HPSE2: variants seen among roughly 807,000 people sequenced by gnomAD.
The protein encoded by HPSE2 is inactive heparanase-2.
HPSE2 carries 38 observed loss-of-function variants against 60.5 expected under a neutral mutation model. The ratio of observed to expected loss-of-function variants is 0.63; its 90% CI spans 0.48 to 0.82. HPSE2 has a LOEUF of 0.82. HPSE2 is among the 40% of genes least tolerant of loss of function. The pLI is 0.00. For synonymous variants in HPSE2, 295 were observed against 293.2 expected (o/e 1.01, Z -0.06); for missense variants, 713 against 740.4 (o/e 0.96, Z 0.43).
intron 3 of HPSE2, among the ~76,000 whole-genome samples, chr10:99,116,371 A>G (rs1844691414): frequency 6.6e-6 from 1 of 152,156 alleles, no homozygotes; most frequent in African/African-American, 2.4e-5. Flanking sequence ...TGGCATTTAT[A>G]TTTTTACAGT....
chr10:98,852,095 C>CA (rs1383340298), intron 3 of HPSE2, among the ~76,000 whole-genome samples: 2 of 139,104 alleles, frequency 1.4e-5, no homozygotes, highest in Non-Finnish European at 3.1e-5. Context: ...GAAGGTTTTG[C>CA]AAACCTTGTA....
At chr10:99,193,032 T>A (rs1848275387) in intron 2 of HPSE2, among the ~76,000 whole-genome samples, 1 of 152,138 alleles carries the variant, frequency 6.6e-6, no homozygotes, top group Non-Finnish European at 1.5e-5. Context: ...ACTACTCATA[T>A]CTTGAATAGA....
At chr10:99,296,664 G>C in the HPSE2 span, among the ~76,000 whole-genome samples, 4 of 152,198 alleles carry the variant, frequency 2.6e-5, no homozygotes, top group African/African-American at 9.6e-5. Context: ...CCTGGGCTGA[G>C]CTCCACTTTG....
intron 9 of HPSE2, among the ~76,000 whole-genome samples, chr10:98,509,044 G>A (rs939074246): frequency 2.6e-4 from 40 of 152,310 alleles, no homozygotes; most frequent in Admixed American, 1.0e-3. Flanking sequence ...TAGATGGCGC[G>A]GTGGCTCATG....
At chr10:98,970,361 C>T (rs968620739) in intron 3 of HPSE2, among the ~76,000 whole-genome samples, 9 of 152,088 alleles carry the variant, frequency 5.9e-5, no homozygotes, top group Non-Finnish European at 1.3e-4. Context: ...GGGATCTGTC[C>T]CCATGATCCA....
chr10:99,226,787 G>A (rs935856752), intron 2 of HPSE2, among the ~76,000 whole-genome samples: 3 of 152,018 alleles, frequency 2.0e-5, no homozygotes, highest in Admixed American at 2.0e-4. Flanking sequence ...TTATGAGGGA[G>A]ATGCTTTAAG....
chr10:98,919,708 T>C (rs1954226772), intron 3 of HPSE2, among the ~76,000 whole-genome samples: 1 of 152,166 alleles, frequency 6.6e-6, no homozygotes, highest in African/African-American at 2.4e-5. Context: ...CTGAAGCATT[T>C]AGAAAAAATA....
rs533074573 is a variant in HPSE2, at chr10:98,545,850, A to G, written c.1321-55654T>C. On this transcript the variant is annotated intron_variant, in intron 9 of 11. Transcript: ENST00000370552. ...ATAAAGGGTATTCAATTAGGAAAAG[A>G]GGAAGTCAAACTGTCCCTGTTTACA... 8.2e-3 allele frequency among the ~76,000 whole-genome samples: 1,251 copies of G among 151,764 alleles called. 14 individuals carry two copies. Among genetic ancestry groups the G allele is most frequent in the African/African-American group, 0.029 (1,193 of 41,426 alleles).
chr10:98,701,883 T>C (rs1948420488), intron 5 of HPSE2, among the ~76,000 whole-genome samples: 1 of 152,042 alleles, frequency 6.6e-6, no homozygotes, highest in Non-Finnish European at 1.5e-5. Flanking sequence ...AATGACACTA[T>C]GAAGAAGCTG....
At chr10:99,275,084 T>G in the HPSE2 span, among the ~76,000 whole-genome samples, 2 of 152,206 alleles carry the variant, frequency 1.3e-5, no homozygotes, top group African/African-American at 4.8e-5. Context: ...AGAGAACAAG[T>G]TACTGTAGCA....
chr10:99,062,258 A>G (rs565303824), intron 3 of HPSE2, among the ~76,000 whole-genome samples: 1 of 152,286 alleles, frequency 6.6e-6, no homozygotes, highest in African/African-American at 2.4e-5. Context: ...ATTGGCTAGG[A>G]GGTGGATGCC....
chr10:98,469,972 C>T (rs980560051), intron 11 of HPSE2, among the ~76,000 whole-genome samples: 4 of 152,218 alleles, frequency 2.6e-5, no homozygotes, highest in Admixed American at 2.6e-4. Context: ...CTCTGAGTTA[C>T]GGTAGCCTCT....
At chr10:99,297,107 C>T in the HPSE2 span, among the ~76,000 whole-genome samples, 2 of 152,214 alleles carry the variant, frequency 1.3e-5, no homozygotes, top group African/African-American at 2.4e-5. Context: ...TCCACTACCT[C>T]GTGTAGGGCC....
upstream of HPSE2, among the ~76,000 whole-genome samples, chr10:99,239,287 T>C (rs866332479): frequency 6.6e-5 from 10 of 152,276 alleles, no homozygotes; most frequent in Middle Eastern, 0.014. Flanking sequence ...TAAATTGCTT[T>C]GATATCTAAG....
intron 3 of HPSE2, among the ~76,000 whole-genome samples, chr10:98,950,189 G>A: frequency 6.6e-6 from 1 of 152,162 alleles, no homozygotes; most frequent in Non-Finnish European, 1.5e-5. Flanking sequence ...GTGCCAGCAA[G>A]AAAGAGAAAG....
At chr10:99,172,656 T>A (rs1191193957) in intron 2 of HPSE2, among the ~76,000 whole-genome samples, 2 of 152,108 alleles carry the variant, frequency 1.3e-5, no homozygotes, top group African/African-American at 4.8e-5. Context: ...GGTGGGGGGA[T>A]CACCTGAGGT....
At chr10:98,845,174 G>C (rs1952005870) in intron 3 of HPSE2, among the ~76,000 whole-genome samples, 1 of 152,192 alleles carries the variant, frequency 6.6e-6, no homozygotes, top group Non-Finnish European at 1.5e-5. Context: ...GAATGAGAGA[G>C]TTGGTGAAAG....
intron 3 of HPSE2, among the ~76,000 whole-genome samples, chr10:98,922,316 G>A (rs2135067561): frequency 6.6e-6 from 1 of 152,254 alleles, no homozygotes; most frequent in South Asian, 2.1e-4. Flanking sequence ...GCTGGACTGG[G>A]AAATGACAAA....
rs116879916 is a variant in HPSE2, at chr10:98,780,579, G to C, written c.611-36523C>G. ...ACTACAGCAGGGAAGATGGCCGGGG[G>C]ACTGAATAGTGGAGATTGAGAAAGA... On this transcript the variant is annotated intron_variant, in intron 3 of 11. Transcript: ENST00000370552. Among the ~76,000 whole-genome samples, 188 of 152,160 alleles carry C rather than the reference G, an allele frequency of 1.2e-3. 2 individuals are homozygous for C. The East Asian group carries it at 0.033, about 27-fold the overall frequency.
Sources: allele counts gnomAD v4.1 joint callset (sites outside exome capture counted in the v4.1 genomes callset), GRCh38; gene constraint gnomAD v4.1.1; transcripts MANE v1.5; gene names NCBI Gene and HGNC (gene_info 2026-07-23, HGNC 2026-07-21).